OPCML: variants seen among roughly 807,000 people sequenced by gnomAD.
OPCML encodes the protein opioid binding protein/cell adhesion molecule like.
In OPCML, 13 loss-of-function variants were observed where a neutral mutation model predicts 37.8. That is an observed-to-expected ratio of 0.34 (90% CI 0.22 to 0.55). The LOEUF (loss-of-function observed/expected upper bound fraction) is 0.55, where lower values mean the gene tolerates loss of function less well. Among genes scored for constraint, OPCML ranks in the 20% least tolerant of loss-of-function variants. The pLI is 0.91. For synonymous variants in OPCML, 176 were observed against 168.8 expected, an observed-to-expected ratio of 1.04 and a Z score of -0.33; for missense variants, 341 against 435.6, an observed-to-expected ratio of 0.78 and a Z score of 1.93.
intron 7 of OPCML, among the ~76,000 whole-genome samples, chr11:132,422,269 G>T (rs1346011722): frequency 6.6e-6 from 1 of 152,156 alleles, no homozygotes; most frequent in Non-Finnish European, 1.5e-5. Context: ...CATTCCTGTG[G>T]ATACCATGCC....
intron 7 of OPCML, among the ~76,000 whole-genome samples, chr11:132,433,224 G>C (rs751286733): frequency 2.0e-5 from 3 of 152,208 alleles, no homozygotes; most frequent in Non-Finnish European, 4.4e-5. Context: ...GTCACAATAA[G>C]TGTTGGCGGG....
intron 3 of OPCML, among the ~76,000 whole-genome samples, chr11:132,603,488 G>A (rs1209245798): frequency 6.6e-6 from 1 of 152,024 alleles, no homozygotes; most frequent in Non-Finnish European, 1.5e-5. Flanking sequence ...CACTCCTCTG[G>A]TTCAAATCCT....
intron 2 of OPCML, among the ~76,000 whole-genome samples, chr11:132,872,448 G>A (rs908811092): frequency 3.9e-5 from 6 of 152,086 alleles, no homozygotes; most frequent in African/African-American, 1.4e-4. Context: ...TGGTGAGTGT[G>A]CAGGCGACAA....
chr11:133,266,782 G>A (rs932537211), intron 1 of OPCML, among the ~76,000 whole-genome samples: 12 of 152,154 alleles, frequency 7.9e-5, no homozygotes, highest in Middle Eastern at 3.2e-3. Context: ...AACATTCCAA[G>A]CCAGAACAAT....
At chr11:133,421,794 G>A in intron 1 of OPCML, 3 of 985,096 alleles carry the variant, frequency 3.0e-6, no homozygotes, top group Non-Finnish European at 3.6e-6. Flanking sequence ...TTGCTTTCGA[G>A]TCTTCCAGCT....
intron 2 of OPCML, among the ~76,000 whole-genome samples, chr11:132,724,170 C>T (rs115794975): frequency 0.022 from 3,417 of 152,190 alleles, 123 homozygotes; most frequent in African/African-American, 0.078. Flanking sequence ...CAGAACCCAC[C>T]TCCCACCACC....
intron 2 of OPCML, among the ~76,000 whole-genome samples, chr11:132,709,385 C>T (rs1286747558): frequency 4.6e-5 from 7 of 152,190 alleles, no homozygotes; most frequent in Non-Finnish European, 1.0e-4. Flanking sequence ...ATAATCAAAA[C>T]TAAGATATGA....
chr11:133,523,825 T>A (rs1197038901), intron 1 of OPCML, among the ~76,000 whole-genome samples: 1 of 152,162 alleles, frequency 6.6e-6, no homozygotes, highest in Non-Finnish European at 1.5e-5. Flanking sequence ...TCTTTGCTCT[T>A]GGGTGTGGAT....
intron 4 of OPCML, among the ~76,000 whole-genome samples, chr11:132,522,738 C>A (rs2096296989): frequency 6.6e-6 from 1 of 152,192 alleles, no homozygotes; most frequent in Non-Finnish European, 1.5e-5. Flanking sequence ...AGATCTCATG[C>A]TTAGGTTGAT....
chr11:132,780,471 A>G (rs1946970527), intron 2 of OPCML, among the ~76,000 whole-genome samples: 1 of 151,998 alleles, frequency 6.6e-6, no homozygotes, highest in Non-Finnish European at 1.5e-5. Flanking sequence ...CCCTTTCCAA[A>G]CTTAGTCCCC....
At chr11:132,778,918 A>T (rs1360448618) in intron 2 of OPCML, among the ~76,000 whole-genome samples, 1 of 149,318 alleles carries the variant, frequency 6.7e-6, no homozygotes, top group Admixed American at 6.7e-5. Context: ...TCTTATTCTG[A>T]TATACGATTA....
chr11:133,006,164 G>A, intron 1 of OPCML: 2 of 974,136 alleles, frequency 2.1e-6, no homozygotes, highest in Non-Finnish European at 2.4e-6. Context: ...ACCTACTGAG[G>A]TCGAGCCTTG....
chr11:133,517,618 G>A (rs942109283), intron 1 of OPCML, among the ~76,000 whole-genome samples: 1 of 152,220 alleles, frequency 6.6e-6, no homozygotes, highest in African/African-American at 2.4e-5. Context: ...CTATCTGAGA[G>A]GCATCATCTC....
chr11:133,485,259 T>C (rs1947502117), intron 1 of OPCML, among the ~76,000 whole-genome samples: 1 of 152,182 alleles, frequency 6.6e-6, no homozygotes, highest in Admixed American at 6.6e-5. Flanking sequence ...AGTTATAAAG[T>C]ACAGTTATAA....
chr11:133,496,474 G>A (rs896489854), intron 1 of OPCML, among the ~76,000 whole-genome samples: 11 of 152,170 alleles, frequency 7.2e-5, no homozygotes, highest in African/African-American at 2.7e-4. Flanking sequence ...TGTTGCATTT[G>A]TAGATTGCTT....
At chr11:133,080,090 TC>T (rs1367687328) in intron 1 of OPCML, among the ~76,000 whole-genome samples, 2 of 151,914 alleles carry the variant, frequency 1.3e-5, no homozygotes. Flanking sequence ...ATGAATAGGG[TC>T]CCCACTCACC....
intron 1 of OPCML, among the ~76,000 whole-genome samples, chr11:133,282,037 A>G (rs1942172707): frequency 6.6e-6 from 1 of 152,088 alleles, no homozygotes; most frequent in Non-Finnish European, 1.5e-5. Context: ...AAAAAAACTT[A>G]AACTAGTAAC....
chr11:132,937,800 C>T (rs988966085), intron 2 of OPCML, among the ~76,000 whole-genome samples: 3 of 151,968 alleles, frequency 2.0e-5, no homozygotes, highest in African/African-American at 7.2e-5. Context: ...CTTGGGCCCA[C>T]AAGGCAAATC....
chr11:132,760,127 C>T (rs942958739), intron 2 of OPCML, among the ~76,000 whole-genome samples: 3 of 152,100 alleles, frequency 2.0e-5, no homozygotes, highest in African/African-American at 7.2e-5. Flanking sequence ...TTTCTTAATC[C>T]TGAGTTCTAA....
Sources: allele counts gnomAD v4.1 joint callset (sites outside exome capture counted in the v4.1 genomes callset), GRCh38; gene constraint gnomAD v4.1.1; transcripts MANE v1.5; gene names NCBI Gene and HGNC (gene_info 2026-07-23, HGNC 2026-07-21).